PROM2: variants seen among roughly 807,000 people sequenced by gnomAD.
PROM2 encodes the protein prominin 2, also known as prominin-2.
PROM2 carries 90 observed loss-of-function variants against 110.2 expected under a neutral mutation model. The observed-to-expected ratio is 0.82, with a 90% CI of 0.69 to 0.97. PROM2 has a LOEUF of 0.97. PROM2 is among the 50% of genes least tolerant of loss of function. PROM2 has a pLI of 0.00. For synonymous variants in PROM2, 470 were observed against 467.8 expected, an observed-to-expected ratio of 1.00 and a Z score of -0.06; for missense variants, 1,009 against 1,074.8, an observed-to-expected ratio of 0.94 and a Z score of 0.86.
chr2:95,274,455 T>A lies in PROM2; in HGVS notation c.-131T>A. On this transcript the variant is annotated 5_prime_UTR_variant, in exon 1 of 24. Coordinates refer to ENST00000317620, the MANE Select transcript of PROM2 (RefSeq NM_001165978.3). ...GCAGGGAGGCGGGAGGCCAGGTAGC[T>A]CAGGAACCCAAACCTGTCGGGCAGG... is the stretch of plus-strand genomic sequence containing the variant. 2 of 1,253,352 alleles carry A rather than the reference T, an allele frequency of 1.6e-6. No individual in the cohort carries two copies. Among genetic ancestry groups the A allele is most frequent in the Non-Finnish European group, 2.1e-6 (2 of 943,646 alleles). 77.6% of individuals were successfully genotyped at this position (1,253,352 alleles called of 1,614,324 possible).
At position 95,277,022 on chromosome 2, in the gene PROM2, G is replaced by A. The variant is rs1046218405; in HGVS notation, c.733G>A (p.Val245Met). The change falls in exon 6 of 24, where the codon GTG becomes ATG. Residue 245 changes from valine (V) to methionine (M), a missense_variant. Val to Met is a conservative substitution (Grantham distance 21). Transcript: ENST00000317620. ...GATCCACACTCAGCTCAGGAGCTCC[G>A]TGTACCCCTTGCTGGCGGCCGTGGG... ...SAIHTQLRSSVYPLLAAVGSL... is the reference protein window; with the variant it reads ...SAIHTQLRSSMYPLLAAVGSL... The A allele has an allele frequency of 1.1e-5, 17 of 1,552,992 alleles. No homozygotes were observed. In the East Asian group the frequency reaches 1.2e-4, roughly 11 times the overall value.
At chr2:95,277,626 G>C in intron 7 of PROM2, 60 bp downstream of exon 7, 1 of 1,432,700 alleles carries the variant, frequency 7.0e-7, no homozygotes, top group Non-Finnish European at 9.3e-7. Context: ...TGCTGCTCCT[G>C]GGATCTGGCA....
In PROM2 at chr2:95,286,866, T is replaced by A; in HGVS notation, c.2094+9T>A. On this transcript the variant is annotated intron_variant, in intron 18 of 23. Transcript: ENST00000317620. ...CTGCCCCGAATCTCCAGGTGGCTGC[T>A]GTTGGTGGGGACGTATGGTGGAGCA... The A allele has an allele frequency of 1.2e-6, 2 of 1,613,530 alleles. No individual in the cohort carries two copies. Among genetic ancestry groups the A allele is most frequent in the Non-Finnish European group, 1.7e-6 (2 of 1,179,842 alleles).
chr2:95,283,157 GA>G (rs1326003064), intron 14 of PROM2, among the ~76,000 whole-genome samples: 1 of 152,226 alleles, frequency 6.6e-6, no homozygotes, highest in Non-Finnish European at 1.5e-5. Context: ...GTGCTAGGCT[GA>G]GACACTGCCC....
intron 16 of PROM2, among the ~76,000 whole-genome samples, chr2:95,286,013 G>A (rs547035331): frequency 2.9e-3 from 439 of 152,362 alleles, no homozygotes; most frequent in Non-Finnish European, 4.0e-3. Flanking sequence ...CTGGCCTCAC[G>A]CAGTTGGGCA....
At chr2:95,288,333 C>T in intron 21 of PROM2, 33 bp downstream of exon 21, 1 of 1,610,964 alleles carries the variant, frequency 6.2e-7, no homozygotes, top group Admixed American at 1.7e-5. Context: ...GCTTGTTCAC[C>T]AAGTCCCGGA....
At chr2:95,282,946 G>T (rs1303856301) in intron 14 of PROM2, among the ~76,000 whole-genome samples, 1 of 152,098 alleles carries the variant, frequency 6.6e-6, no homozygotes, top group Non-Finnish European at 1.5e-5. Context: ...CACAGAGCAT[G>T]CTAACTCCTG....
Position 95,289,480 on chromosome 2 carries a change from AT to A in PROM2, c.*268del, listed in dbSNP as rs1677572772. Reference sequence around the variant, plus strand: ...CCTCCAGGTGTCACCCCTTACCCCCATGCTGGTGGCATCCTCACAGGAAGAG... The same window carrying A: ...CCTCCAGGTGTCACCCCTTACCCCCAGCTGGTGGCATCCTCACAGGAAGAG... On this transcript the variant is annotated 3_prime_UTR_variant, in exon 24 of 24. Coordinates refer to ENST00000317620, the MANE Select transcript of PROM2 (RefSeq NM_001165978.3). The A allele has an allele frequency of 1.9e-5, 3 of 155,882 alleles. No individual in the cohort carries two copies. Among genetic ancestry groups the A allele is most frequent in the Admixed American group, 1.9e-4 (3 of 15,806 alleles). The allele number at this position is 155,882 out of a possible 1,614,324, so 9.7% of individuals were successfully genotyped here. A position where few individuals can be genotyped will look rare whatever the true frequency, so the allele number is the denominator to read the frequency against.
rs765079560 is a variant in PROM2, at chr2:95,288,545, C to T, written c.2397C>T (p.Ala799=). ...TCCTGATCCCCAGCATCATCTTTGCCGTCAAGACCTCCAAATACTTCCGTC... is the reference window on the plus strand; with the variant it reads ...TCCTGATCCCCAGCATCATCTTTGCTGTCAAGACCTCCAAATACTTCCGTC... The part of the protein sequence containing the change: ...TFFLIPSIIF[A]VKTSKYFRPI... The change falls in exon 22 of 24, where the codon GCC becomes GCT. Residue 799 remains alanine, a synonymous_variant. Coordinates refer to ENST00000317620, the MANE Select transcript of PROM2 (RefSeq NM_001165978.3). 5.9e-5 allele frequency: 96 copies of T among 1,614,096 alleles called. No homozygotes were observed. Among genetic ancestry groups the T allele is most frequent in the Non-Finnish European group, 7.6e-5 (90 of 1,180,030 alleles).
rs1166004740 is a variant in PROM2 at position 95,282,013 on chromosome 2, A to C, written c.1640A>C (p.Tyr547Ser). 6.2e-7 allele frequency: 1 copy of C among 1,614,038 alleles called. No individual in the cohort carries two copies. The highest frequency in any genetic ancestry group is 1.7e-5 in the Admixed American group (1 of 60,030). The part of the protein sequence containing the change: ...LRKNISIHQA[Y>S]QQCKEGAALW... ...AAGAACATCAGCATCCACCAAGCCT[A>C]TCAGTGAGTGGACAGCCTGGGCAGA... Residue 547 changes from tyrosine (Y) to serine (S), a missense_variant, in exon 13 of 24, where the codon TAT becomes TCT. By Grantham distance (144) the Tyr-to-Ser change is moderately radical (BLOSUM62 -2). Transcript: ENST00000317620.
At position 95,275,926 on chromosome 2, in the gene PROM2, C is replaced by T. The variant is rs553901842; in HGVS notation, c.295-4C>T. 2 of 1,607,792 alleles carry T rather than the reference C, an allele frequency of 1.2e-6. No individual in the cohort carries two copies. The highest frequency in any genetic ancestry group is 1.7e-6 in the Non-Finnish European group (2 of 1,178,256). On this transcript the variant is annotated splice_polypyrimidine_tract_variant and splice_region_variant and intron_variant, in intron 2 of 23. Coordinates refer to ENST00000317620, the MANE Select transcript of PROM2 (RefSeq NM_001165978.3). This position sits in a 1 kb window ranked among gnomAD's most constrained non-coding sequence, Gnocchi z 4.4. Reference sequence around the variant, plus strand: ...TCACCCCTCATGCCCTGCTGCCTGCCCAGGTGGTGCGGTACGAGGCGGGCT... The same window carrying T: ...TCACCCCTCATGCCCTGCTGCCTGCTCAGGTGGTGCGGTACGAGGCGGGCT...
intron 20 of PROM2, among the ~76,000 whole-genome samples, chr2:95,288,007 G>A (rs1353349692): frequency 2.6e-5 from 4 of 152,212 alleles, no homozygotes; most frequent in Non-Finnish European, 5.9e-5. Flanking sequence ...GATGGAAAGG[G>A]GAGGGGCCCA....
At position 95,287,423 on chromosome 2, in the gene PROM2, A is replaced by G. The variant is rs768783344; in HGVS notation, c.2203A>G (p.Met735Val). The change falls in exon 20 of 24, where the codon ATG (methionine) becomes GTG (valine). Residue 735 changes from methionine (M) to valine (V), a missense_variant. Coordinates refer to ENST00000317620, the MANE Select transcript of PROM2 (RefSeq NM_001165978.3). ...GAGTGAGTGTTTCCTGGCCCGGGAG[A>G]TGGGCTACTTCTCCCAGTACGTGGC... Reference protein sequence around the residue: ...NVSECFLAREMGYFSQYVAWV... With the variant: ...NVSECFLAREVGYFSQYVAWV... 4 of 1,613,788 alleles carry G rather than the reference A, an allele frequency of 2.5e-6. No homozygotes were observed. The highest frequency in any genetic ancestry group is 3.4e-6 in the Non-Finnish European group (4 of 1,179,962).
chr2:95,279,742 G>A, intron 10 of PROM2, 103 bp from the exon 11 acceptor site: 1 of 948,980 alleles, frequency 1.1e-6, no homozygotes, highest in Non-Finnish European at 1.4e-6. Context: ...TGAAGCCCCA[G>A]CCTTGGGGTT....
At chr2:95,288,758 G>A (rs1005345753) in intron 22 of PROM2, among the ~76,000 whole-genome samples, 169 bp downstream of exon 22, 1 of 152,208 alleles carries the variant, frequency 6.6e-6, no homozygotes, top group African/African-American at 2.4e-5. Flanking sequence ...AAGTTCTCCC[G>A]TATGTCTGCC....
At position 95,275,733 on chromosome 2, in the gene PROM2, T is replaced by C; in HGVS notation, c.295-197T>C. The C allele has an allele frequency of 1.4e-6, 2 of 1,448,656 alleles. No homozygotes were observed. Among genetic ancestry groups the C allele is most frequent in the Non-Finnish European group, 1.8e-6 (2 of 1,102,816 alleles). The allele number at this position is 1,448,656 out of a possible 1,614,324, so 89.7% of individuals were successfully genotyped here. ...GTGAGGTTTGCAGGGAGCTGGAACT[T>C]CCTGAACTTCAGCTTCCTCCTGTGT... On this transcript the variant is annotated intron_variant, in intron 2 of 23. Coordinates refer to ENST00000317620, the MANE Select transcript of PROM2 (RefSeq NM_001165978.3). This position sits in a 1 kb window ranked among gnomAD's most constrained non-coding sequence, Gnocchi z 4.4.
Position 95,276,972 on chromosome 2 carries a change from G to A in PROM2, c.683G>A (p.Gly228Asp), listed in dbSNP as rs1271428583. 1 of 1,550,946 alleles carries A rather than the reference G, an allele frequency of 6.4e-7. No individual in the cohort carries two copies. The part of the protein sequence containing the change: ...PQEQVSEELD[G>D]VGVSIGSAIH... The stretch of plus-strand genomic sequence containing the variant: ...CTGCAGACTGCCCTGTGCTCTGCAG[G>A]TGTTGGTGTGAGCATTGGGAGCGCG... The change falls in exon 6 of 24, where the codon GGT becomes GAT. Residue 228 changes from glycine to aspartate, a missense_variant and splice_region_variant. Coordinates refer to ENST00000317620, the MANE Select transcript of PROM2 (RefSeq NM_001165978.3). This position sits in a 1 kb window ranked among gnomAD's most constrained non-coding sequence, Gnocchi z 4.6.
At position 95,286,528 on chromosome 2, in the gene PROM2, G is replaced by A; in HGVS notation, c.1997G>A (p.Arg666Lys). 1.2e-6 allele frequency: 2 copies of A among 1,613,788 alleles called. No homozygotes were observed. The highest frequency in any genetic ancestry group is 1.7e-6 in the Non-Finnish European group (2 of 1,179,966). ...QRLQEEAQGL[R>K]NLHQEKVVPQ... ...CTGCAGGAGGAGGCCCAAGGACTCA[G>A]AAACCTTCACCAGGAGAAGGTCGTC... is the stretch of plus-strand genomic sequence containing the variant. Residue 666 changes from arginine (R) to lysine (K), a missense_variant, in exon 17 of 24, where the codon AGA (arginine) becomes AAA (lysine). By Grantham distance (26) the Arg-to-Lys change is conservative. Transcript: ENST00000317620.
At chr2:95,277,627 G>A in intron 7 of PROM2, 61 bp downstream of exon 7, 2 of 1,431,698 alleles carry the variant, frequency 1.4e-6, no homozygotes, top group Non-Finnish European at 1.9e-6. Flanking sequence ...GCTGCTCCTG[G>A]GATCTGGCAA....
Sources: gnomAD v4.1 joint callset for allele counts (sites outside exome capture counted in the v4.1 genomes callset) on GRCh38, gnomAD v4.1.1 for gene constraint, Gnocchi (gnomAD v3.1) non-coding constraint, MANE v1.5 for transcripts, NCBI Gene and HGNC (gene_info 2026-07-23, HGNC 2026-07-21) for gene names.